DAB1: variants seen among roughly 807,000 people sequenced by gnomAD.
DAB1 encodes the protein DAB adaptor protein 1, also known as disabled homolog 1.
A neutral mutation model predicts 64.6 loss-of-function variants in DAB1; 15 were observed. The ratio of observed to expected loss-of-function variants is 0.23; its 90% CI spans 0.16 to 0.36. The LOEUF is 0.36. Among genes scored for constraint, DAB1 ranks in the 10% least tolerant of loss-of-function variants. The probability of loss-of-function intolerance (pLI) is 1.00; values close to 1 mark genes in which losing one functional copy is unlikely to be tolerated. For missense variants in DAB1, 596 were observed against 706.7 expected (o/e 0.84, Z 1.78); for synonymous variants, 235 against 251.9 (o/e 0.93, Z 0.64).
At position 58,005,855 on chromosome 1, in the gene DAB1, A is replaced by G. The variant is rs540075886; in HGVS notation, n.388-121693T>C. On this transcript the variant is annotated intron_variant and non_coding_transcript_variant, in intron 5 of 20. Coordinates refer to the DAB1 transcript ENST00000485760. ...CCATTCATTATGATATTTAATTCTT[A>G]CAACAACTCTTTAAGGCAGGTACAA... Among the ~76,000 whole-genome samples, 16 of 152,316 alleles carry G rather than the reference A, an allele frequency of 1.1e-4. No individual in the cohort carries two copies. In the South Asian group the frequency reaches 3.3e-3, roughly 32 times the overall value.
intron 4 of DAB1, among the ~76,000 whole-genome samples, chr1:58,296,362 C>T (rs369291925): frequency 1.3e-5 from 2 of 152,078 alleles, no homozygotes; most frequent in Non-Finnish European, 2.9e-5. Context: ...GTGGTCCCTC[C>T]CAAAGGACCC....
chr1:58,000,655 C>A (rs1646493696), intron 5 of DAB1, among the ~76,000 whole-genome samples: 2 of 146,060 alleles, frequency 1.4e-5, no homozygotes, highest in Non-Finnish European at 3.0e-5. Context: ...ACTGCAATCT[C>A]CACCTCATGG....
At chr1:57,478,880 G>A (rs754377402) in intron 7 of DAB1, among the ~76,000 whole-genome samples, 3 of 151,736 alleles carry the variant, frequency 2.0e-5, no homozygotes, top group Non-Finnish European at 4.4e-5. Flanking sequence ...GATTACAGGC[G>A]TGAGCCACTG....
At chr1:57,983,807 T>A (rs2100348988) in intron 5 of DAB1, among the ~76,000 whole-genome samples, 1 of 152,224 alleles carries the variant, frequency 6.6e-6, no homozygotes, top group Non-Finnish European at 1.5e-5. Flanking sequence ...CAATCCTCAG[T>A]CAAGTACTAA....
intron 2 of DAB1, among the ~76,000 whole-genome samples, chr1:57,152,034 G>A (rs1036744870): frequency 3.9e-5 from 6 of 152,002 alleles, no homozygotes; most frequent in South Asian, 2.1e-4. Context: ...GGCTGGTCTC[G>A]AACTCCTAAC....
chr1:57,777,141 CTTTTT>C (rs71051255), intron 6 of DAB1, among the ~76,000 whole-genome samples: 1 of 90,398 alleles, frequency 1.1e-5, no homozygotes, highest in African/African-American at 4.5e-5. Context: ...TTCTGAATTT[CTTTTT>C]TTTTTTTTTT....
At chr1:57,243,315 G>GA (rs911190646) in intron 2 of DAB1, among the ~76,000 whole-genome samples, 43 of 152,292 alleles carry the variant, frequency 2.8e-4, no homozygotes, top group African/African-American at 1.0e-3. Flanking sequence ...ATGTACTTGA[G>GA]AAAAAATCCA....
chr1:57,690,198 G>A, intron 6 of DAB1, among the ~76,000 whole-genome samples: 1 of 152,126 alleles, frequency 6.6e-6, no homozygotes, highest in East Asian at 1.9e-4. Flanking sequence ...TGGCTATTGT[G>A]AACAGGGCTG....
intron 6 of DAB1, among the ~76,000 whole-genome samples, chr1:57,804,272 T>C (rs563932108): frequency 1.3e-5 from 2 of 152,340 alleles, no homozygotes; most frequent in African/African-American, 4.8e-5. Flanking sequence ...TCACAACATA[T>C]TAAAATTGTC....
At chr1:58,273,926 A>G (rs962970280) in intron 4 of DAB1, among the ~76,000 whole-genome samples, 1 of 89,324 alleles carries the variant, frequency 1.1e-5, no homozygotes, top group Non-Finnish European at 2.3e-5. Context: ...TTTTTTTCAA[A>G]GTTTTCAACT....
At chr1:58,056,507 C>T (rs777708694) in intron 5 of DAB1, 4 of 1,138,892 alleles carry the variant, frequency 3.5e-6, no homozygotes, top group Non-Finnish European at 5.3e-6. Context: ...AGAGAGAGCT[C>T]ATGTGCATTC....
At chr1:57,784,738 A>G (rs1167127901) in intron 6 of DAB1, among the ~76,000 whole-genome samples, 1 of 152,168 alleles carries the variant, frequency 6.6e-6, no homozygotes, top group African/African-American at 2.4e-5. Context: ...GCATCTCCAT[A>G]ACATAAAAGT....
At chr1:57,039,651 C>G (rs928829281) in intron 9 of DAB1, among the ~76,000 whole-genome samples, 5 of 152,176 alleles carry the variant, frequency 3.3e-5, no homozygotes, top group Non-Finnish European at 5.9e-5. Context: ...TTCTTCCTAT[C>G]CATCCCTTAT....
chr1:58,178,796 G>A (rs753083688), intron 4 of DAB1, among the ~76,000 whole-genome samples: 1 of 152,134 alleles, frequency 6.6e-6, no homozygotes, highest in Non-Finnish European at 1.5e-5. Context: ...TACACAAACT[G>A]AATGCAGGCC....
At chr1:57,646,735 C>T (rs965797230) in intron 7 of DAB1, among the ~76,000 whole-genome samples, 13 of 152,054 alleles carry the variant, frequency 8.5e-5, no homozygotes, top group African/African-American at 2.9e-4. Context: ...GGTGACAGAG[C>T]GAGACCCCAT....
At chr1:57,883,799 T>C (rs891439150) in intron 1 of DAB1, among the ~76,000 whole-genome samples, 3 of 152,250 alleles carry the variant, frequency 2.0e-5, no homozygotes, top group Non-Finnish European at 4.4e-5. Context: ...TAGATTCCGC[T>C]GGCTACCGCC....
chr1:57,121,149 A>T (rs1274044920), intron 4 of DAB1, among the ~76,000 whole-genome samples: 1 of 116,380 alleles, frequency 8.6e-6, no homozygotes, highest in Non-Finnish European at 1.8e-5. Context: ...AAGGAGGAGG[A>T]GGAGGAGGAG....
intron 4 of DAB1, among the ~76,000 whole-genome samples, chr1:58,284,383 C>A (rs1661635384): frequency 6.6e-6 from 1 of 152,226 alleles, no homozygotes. Context: ...GACATGAACC[C>A]ACATGGCTTC....
intron 5 of DAB1, among the ~76,000 whole-genome samples, chr1:58,000,624 G>A (rs2100402912): frequency 7.2e-6 from 1 of 138,682 alleles, no homozygotes; most frequent in South Asian, 2.5e-4. Flanking sequence ...AGGCTGGAGT[G>A]CAATGGGGCA....
Sources: gnomAD v4.1 joint callset for allele counts (sites outside exome capture counted in the v4.1 genomes callset) on GRCh38, gnomAD v4.1.1 for gene constraint, MANE v1.5 for transcripts, NCBI Gene and HGNC (gene_info 2026-07-23, HGNC 2026-07-21) for gene names.